CCDC33: variants seen among roughly 807,000 people sequenced by gnomAD.
CCDC33 encodes coiled-coil domain containing 33, also known as coiled-coil domain-containing protein 33.
Under a neutral mutation model 91.9 loss-of-function variants are expected in CCDC33, and 94 were observed. The ratio of observed to expected loss-of-function variants is 1.02; its 90% confidence interval spans 0.87 to 1.21. The LOEUF (loss-of-function observed/expected upper bound fraction) is 1.21. Among genes scored for constraint, CCDC33 ranks in the 50% most tolerant of loss-of-function variants. CCDC33 has a pLI of 0.00. For synonymous variants in CCDC33, 396 were observed against 374.5 expected, an observed-to-expected ratio of 1.06 and a Z score of -0.66; for missense variants, 940 against 935.5, an observed-to-expected ratio of 1.00 and a Z score of -0.06.
intron 2 of CCDC33, among the ~76,000 whole-genome samples, chr15:74,223,636 C>A (rs1008403155): frequency 1.3e-5 from 2 of 151,786 alleles, no homozygotes; most frequent in South Asian, 2.1e-4. Context: ...GATTGACTCC[C>A]AGCCCCCACC....
chr15:74,243,043 T>C (rs945035446), intron 1 of CCDC33, among the ~76,000 whole-genome samples: 2 of 152,172 alleles, frequency 1.3e-5, no homozygotes, highest in African/African-American at 4.8e-5. Flanking sequence ...TCAGCAGCTC[T>C]CGTTAAGATG....
At chr15:74,266,854 T>C in intron 4 of CCDC33, 67 bp downstream of exon 4, 1 of 1,218,360 alleles carries the variant, frequency 8.2e-7, no homozygotes, top group East Asian at 2.3e-5. Flanking sequence ...CCCCAGCTAT[T>C]CCCTCGGAGC....
intron 11 of CCDC33, among the ~76,000 whole-genome samples, chr15:74,297,980 G>T (rs1342372279): frequency 6.6e-6 from 1 of 152,188 alleles, no homozygotes; most frequent in Non-Finnish European, 1.5e-5. Flanking sequence ...CCTCCTGGCT[G>T]GACAAGCCTC....
At chr15:74,204,729 T>TA (rs1229483466) in intron 1 of CCDC33, among the ~76,000 whole-genome samples, 1 of 152,124 alleles carries the variant, frequency 6.6e-6, no homozygotes, top group Non-Finnish European at 1.5e-5. Context: ...GGTCAGGAGT[T>TA]AGAGACCCAG....
chr15:74,230,843 G>C (rs2074948427), intron 2 of CCDC33, among the ~76,000 whole-genome samples: 1 of 152,222 alleles, frequency 6.6e-6, no homozygotes, highest in South Asian at 2.1e-4. Context: ...GGGAGGCTCT[G>C]AGGGATCAGG....
intron 2 of CCDC33, among the ~76,000 whole-genome samples, chr15:74,230,581 T>G (rs1438755876): frequency 6.6e-6 from 1 of 152,148 alleles, no homozygotes; most frequent in African/African-American, 2.4e-5. Context: ...TGGCAATCCA[T>G]AAACGTGCCT....
At chr15:74,272,655 C>T (rs1057105685) in intron 6 of CCDC33, 116 bp from the exon 7 acceptor site, 47 of 1,394,576 alleles carry the variant, frequency 3.4e-5, no homozygotes, top group African/African-American at 1.0e-4. Flanking sequence ...CCGAACTCGG[C>T]GGGATCCCTG....
At position 74,305,937 on chromosome 15, in the gene CCDC33, G is replaced by A. The variant is rs184631606; in HGVS notation, c.1290+9989G>A. On this transcript the variant is annotated intron_variant, in intron 11 of 18. Coordinates refer to ENST00000398814, the MANE Select transcript of CCDC33 (RefSeq NM_025055.5). Reference sequence around the variant, plus strand: ...GTTAAGTAGAGGAAATACTCTCCCCGCCTCTTGAGGCTTTTCAGAGGACTA... The same window carrying A: ...GTTAAGTAGAGGAAATACTCTCCCCACCTCTTGAGGCTTTTCAGAGGACTA... Among the ~76,000 whole-genome samples, 8 of 152,242 alleles carry A rather than the reference G, an allele frequency of 5.3e-5. No individual in the cohort carries two copies. In the East Asian group the frequency reaches 1.2e-3, roughly 22 times the overall value.
At chr15:74,322,627 G>A (rs1023158018) in intron 11 of CCDC33, among the ~76,000 whole-genome samples, 1 of 152,200 alleles carries the variant, frequency 6.6e-6, no homozygotes, top group East Asian at 1.9e-4. Context: ...ACCACCTGGA[G>A]GAAGGACATG....
At chr15:74,231,618 A>G (rs901705571), upstream of CCDC33, among the ~76,000 whole-genome samples, 2 of 152,160 alleles carry the variant, frequency 1.3e-5, no homozygotes, top group African/African-American at 4.8e-5. Flanking sequence ...ATGATCTCGG[A>G]CTTTGGAGCC....
chr15:74,268,118 CA>C (rs1283681736), intron 4 of CCDC33, among the ~76,000 whole-genome samples: 1 of 152,184 alleles, frequency 6.6e-6, no homozygotes, highest in African/African-American at 2.4e-5. Context: ...AGCAGACAGG[CA>C]GTGGTCCTTG....
Position 74,271,701 on chromosome 15 carries a change from A to G in CCDC33, c.547-2A>G. On this transcript the variant is annotated splice_acceptor_variant, in intron 5 of 18. Transcript: ENST00000398814. LOFTEE classifies it high-confidence loss of function. ...ACCTGCCTCCTCTCCTCTCCTCTCCAGATCTTTCTCCGGGGAGTCAACGAG... is the reference window on the plus strand; with the variant it reads ...ACCTGCCTCCTCTCCTCTCCTCTCCGGATCTTTCTCCGGGGAGTCAACGAG... 16 of 1,612,832 alleles carry G rather than the reference A, an allele frequency of 9.9e-6. No homozygotes were observed. The highest frequency in any genetic ancestry group is 1.4e-5 in the Non-Finnish European group (16 of 1,178,916).
At chr15:74,217,212 A>G in exon 1 of CCDC33, 1 of 1,189,172 alleles carries the variant, frequency 8.4e-7, no homozygotes, top group Non-Finnish European at 1.1e-6. Context: ...GACTGGGTCC[A>G]GGCTGGGCTG....
intron 2 of CCDC33, among the ~76,000 whole-genome samples, chr15:74,249,482 C>T (rs936830521): frequency 2.1e-5 from 3 of 141,406 alleles, no homozygotes; most frequent in Non-Finnish European, 3.0e-5. Context: ...AGCGAGGCTC[C>T]GTCTAAAAAA....
chr15:74,333,262 G>A, intron 16 of CCDC33: 12 of 1,603,426 alleles, frequency 7.5e-6, no homozygotes, highest in Non-Finnish European at 1.0e-5. Context: ...ACTTGACAGA[G>A]AGGCTACAAG....
intron 5 of CCDC33, 64 bp from the exon 6 acceptor site, chr15:74,271,639 G>A: frequency 1.6e-6 from 2 of 1,251,624 alleles, no homozygotes; most frequent in African/African-American, 1.5e-5. Flanking sequence ...CAGTCTGGCT[G>A]GCTGTCTCTG....
chr15:74,240,524 C>T (rs1258639384), intron 1 of CCDC33, among the ~76,000 whole-genome samples: 1 of 152,216 alleles, frequency 6.6e-6, no homozygotes, highest in Non-Finnish European at 1.5e-5. Flanking sequence ...TCCAGACATT[C>T]CCATTGGCCA....
At chr15:74,288,260 G>A (rs1221345736) in intron 10 of CCDC33, among the ~76,000 whole-genome samples, 1 of 152,148 alleles carries the variant, frequency 6.6e-6, no homozygotes, top group Non-Finnish European at 1.5e-5. Flanking sequence ...AGAAGTCAGG[G>A]CCTGTCAGCC....
intron 11 of CCDC33, among the ~76,000 whole-genome samples, chr15:74,309,638 G>A (rs1475645282): frequency 6.6e-6 from 1 of 152,136 alleles, no homozygotes; most frequent in Non-Finnish European, 1.5e-5. Context: ...GGGGAGTGAA[G>A]AGTACAGTGT....
Sources: allele counts gnomAD v4.1 joint callset (sites outside exome capture counted in the v4.1 genomes callset), GRCh38; gene constraint gnomAD v4.1.1; transcripts MANE v1.5; gene names NCBI Gene and HGNC (gene_info 2026-07-23, HGNC 2026-07-21).